The following PLD1 variants were observed in gnomAD, a reference collection of about 807,000 sequenced individuals.
PLD1 encodes choline phosphatase 1.
Under a neutral mutation model 137.1 loss-of-function variants are expected in PLD1, and 112 were observed. That is an observed-to-expected ratio of 0.82 (90% CI 0.70 to 0.96). The LOEUF is 0.96. Ranked by LOEUF, PLD1 falls within the 40% of genes least tolerant of loss-of-function variation. The pLI, the probability that PLD1 is intolerant of heterozygous loss-of-function variation, is 0.00. For synonymous variants in PLD1, 431 were observed against 454.7 expected (o/e 0.95, Z 0.66); for missense variants, 1,321 against 1,342.0 (o/e 0.98, Z 0.24).
chr3:171,676,865 T>C (rs976444380), intron 17 of PLD1, 32 bp from the exon 18 acceptor site: 1 of 1,490,408 alleles, frequency 6.7e-7, no homozygotes, highest in Non-Finnish European at 9.4e-7. Context: ...GGATCAGTCA[T>C]TAACTTCAGT....
chr3:171,797,437 T>C (rs1283396387), intron 1 of PLD1, among the ~76,000 whole-genome samples: 1 of 152,180 alleles, frequency 6.6e-6, no homozygotes, highest in Admixed American at 6.5e-5. Context: ...CTTGTTAGAA[T>C]TGCAAATTCT....
At chr3:171,700,806 A>G (rs74871262) in intron 11 of PLD1, among the ~76,000 whole-genome samples, 4 of 152,318 alleles carry the variant, frequency 2.6e-5, no homozygotes, top group East Asian at 3.9e-4. Flanking sequence ...AAGGTAAGCT[A>G]AGCTTCACAA....
chr3:171,606,439 C>G (rs961532504), intron 25 of PLD1, among the ~76,000 whole-genome samples: 25 of 152,196 alleles, frequency 1.6e-4, no homozygotes, highest in African/African-American at 5.8e-4. Flanking sequence ...TGTCCTCATG[C>G]ACATGCTCAT....
intron 23 of PLD1, among the ~76,000 whole-genome samples, chr3:171,634,088 A>C (rs1734906807): frequency 6.6e-6 from 1 of 152,240 alleles, no homozygotes; most frequent in Non-Finnish European, 1.5e-5. Flanking sequence ...TGTACTTTAG[A>C]AACAGGCATT....
At chr3:171,782,897 G>C (rs1005112168) in intron 1 of PLD1, among the ~76,000 whole-genome samples, 4 of 152,194 alleles carry the variant, frequency 2.6e-5, no homozygotes, top group Non-Finnish European at 5.9e-5. Flanking sequence ...AGAAACTATG[G>C]AAGCAGAGTT....
At chr3:171,632,815 T>G (rs921071670) in intron 23 of PLD1, among the ~76,000 whole-genome samples, 11 of 152,214 alleles carry the variant, frequency 7.2e-5, no homozygotes, top group Non-Finnish European at 1.5e-4. Flanking sequence ...ACATGTCATA[T>G]TCGTAATTTT....
intron 1 of PLD1, among the ~76,000 whole-genome samples, chr3:171,804,073 AT>A (rs548515902): frequency 6.6e-6 from 1 of 150,912 alleles, no homozygotes; most frequent in Admixed American, 6.6e-5. Context: ...CATCATCTTC[AT>A]TTTTTTTTCC....
intron 16 of PLD1, among the ~76,000 whole-genome samples, chr3:171,678,695 T>C (rs997440341): frequency 6.6e-6 from 1 of 152,180 alleles, no homozygotes; most frequent in Non-Finnish European, 1.5e-5. Context: ...AATGCACTCT[T>C]TGCTTAAAAC....
intron 1 of PLD1, among the ~76,000 whole-genome samples, chr3:171,803,199 G>A (rs6787821): frequency 0.81 from 123,138 of 152,108 alleles, 50,164 homozygotes; most frequent in Middle Eastern, 0.94. Flanking sequence ...ATTGAATGCA[G>A]TTGAGACTTG....
intron 16 of PLD1, among the ~76,000 whole-genome samples, chr3:171,682,681 A>T (rs574874357): frequency 6.6e-6 from 1 of 152,272 alleles, no homozygotes; most frequent in African/African-American, 2.4e-5. Flanking sequence ...CTTTTTTGAA[A>T]ACAAGTTCAG....
chr3:171,764,911 GGAAA>G lies in PLD1; in HGVS notation c.-31-26833_-31-26830del, dbSNP rs1471884969. ...AGAAAGAAAGGAAGGAAGGAAGGAAGGAAAGAAAGAAAGGAAAGAAAGGAAAGAA... is the reference window on the plus strand; with the variant it reads ...AGAAAGAAAGGAAGGAAGGAAGGAAGGAAAGAAAGGAAAGAAAGGAAAGAA... On this transcript the variant is annotated intron_variant, in intron 1 of 26. Transcript: ENST00000351298. Among the ~76,000 whole-genome samples the G allele has an allele frequency of 7.8e-5, 3 of 38,560 alleles. 1 individual carries two copies. Among genetic ancestry groups the G allele is most frequent in the Non-Finnish European group, 1.6e-4 (3 of 19,064 alleles). 25.3% of individuals were successfully genotyped at this position (38,560 alleles called of 152,430 possible).
intron 23 of PLD1, among the ~76,000 whole-genome samples, chr3:171,624,651 CATAACACAG>C (rs761357483): frequency 5.5e-4 from 84 of 152,100 alleles, no homozygotes; most frequent in Non-Finnish European, 1.0e-3. Flanking sequence ...ATTGCCCATT[CATAACACAG>C]TGATTGAATA....
intron 3 of PLD1, 49 bp downstream of exon 3, chr3:171,737,483 T>A (rs1180545199): frequency 6.5e-7 from 1 of 1,535,864 alleles, no homozygotes; most frequent in South Asian, 1.2e-5. Context: ...ATGTACTAAT[T>A]CACATATATT....
intron 18 of PLD1, among the ~76,000 whole-genome samples, chr3:171,675,734 T>A (rs1713278261): frequency 6.6e-6 from 1 of 152,162 alleles, no homozygotes; most frequent in Non-Finnish European, 1.5e-5. Context: ...AAAGTTAGAC[T>A]CTAAGTGGTT....
chr3:171,688,979 A>C, intron 13 of PLD1, 103 bp from the exon 14 acceptor site: 1 of 795,046 alleles, frequency 1.3e-6, no homozygotes, highest in Non-Finnish European at 2.1e-6. Context: ...TCTATAATTC[A>C]AATACCAAAC....
Position 171,677,606 on chromosome 3 carries a change from G to A in PLD1, c.1956C>T (p.Phe652=), listed in dbSNP as rs200255431. The part of the protein sequence containing the change: ...RFWHGKDYCN[F]VFKDWVQLDK... ...CAAGTTGAACCCAGTCTTTGAAGAC[G>A]AAATTGCAGTAGTCCTTTCCATGCC... is the stretch of plus-strand genomic sequence containing the variant. The change falls in exon 17 of 27, where the codon TTC becomes TTT. Residue 652 remains phenylalanine, a synonymous_variant. Transcript: ENST00000351298. 29 of 1,613,964 alleles carry A rather than the reference G, an allele frequency of 1.8e-5. No homozygotes were observed. In the East Asian group the frequency reaches 2.2e-4, roughly 12 times the overall value.
intron 11 of PLD1, 100 bp downstream of exon 11, chr3:171,708,655 G>A: frequency 1.5e-6 from 1 of 683,042 alleles, no homozygotes; most frequent in Non-Finnish European, 2.6e-6. Flanking sequence ...CACAGATACA[G>A]CTGATTTTCA....
chr3:171,706,384 G>C (rs555518305), intron 11 of PLD1, among the ~76,000 whole-genome samples: 7 of 151,772 alleles, frequency 4.6e-5, no homozygotes, highest in Non-Finnish European at 1.0e-4. Context: ...AAAGAATGTT[G>C]CATTTAAAAC....
At chr3:171,784,090 G>A (rs1722898707) in intron 1 of PLD1, among the ~76,000 whole-genome samples, 1 of 152,136 alleles carries the variant, frequency 6.6e-6, no homozygotes, top group South Asian at 2.1e-4. Flanking sequence ...AACTTCTACG[G>A]AAGTGATTTT....
Sources: allele counts gnomAD v4.1 joint callset (sites outside exome capture counted in the v4.1 genomes callset), GRCh38; gene constraint gnomAD v4.1.1; transcripts MANE v1.5; gene names NCBI Gene and HGNC (gene_info 2026-07-23, HGNC 2026-07-21).